Variants in PPFIA2 observed in about 807,000 individuals in gnomAD.
PPFIA2 encodes the protein liprin-alpha-2.
In PPFIA2, 46 loss-of-function variants were observed where a neutral mutation model predicts 175.5. That is an observed-to-expected ratio of 0.26 (90% CI 0.21 to 0.34). The LOEUF (loss-of-function observed/expected upper bound fraction) is 0.34, where lower values mean the gene tolerates loss of function less well. Ranked by LOEUF, PPFIA2 falls within the 10% of genes least tolerant of loss-of-function variation. The pLI, the probability that PPFIA2 is intolerant of heterozygous loss-of-function variation, is 1.00. For synonymous variants in PPFIA2, 568 were observed against 511.4 expected, an observed-to-expected ratio of 1.11 and a Z score of -1.49; for missense variants, 1,179 against 1,506.1, an observed-to-expected ratio of 0.78 and a Z score of 3.60.
chr12:81,636,760 C>G (rs2064119912), intron 4 of PPFIA2, among the ~76,000 whole-genome samples: 1 of 151,970 alleles, frequency 6.6e-6, no homozygotes, highest in African/African-American at 2.4e-5. Flanking sequence ...TCAAGTGATT[C>G]TTGTGCCTCA....
intron 23 of PPFIA2, among the ~76,000 whole-genome samples, chr12:81,298,979 T>C (rs192234627): frequency 6.6e-6 from 1 of 152,244 alleles, no homozygotes; most frequent in Non-Finnish European, 1.5e-5. Context: ...AACCTGCTAA[T>C]GAGGAAGGGC....
At chr12:81,332,202 G>A (rs375324189) in intron 21 of PPFIA2, among the ~76,000 whole-genome samples, 2 of 151,908 alleles carry the variant, frequency 1.3e-5, no homozygotes, top group East Asian at 3.9e-4. Context: ...GCTTCAAGAT[G>A]CTGCCTCCCA....
At chr12:81,448,866 T>C (rs2051843110) in intron 5 of PPFIA2, among the ~76,000 whole-genome samples, 1 of 152,212 alleles carries the variant, frequency 6.6e-6, no homozygotes, top group African/African-American at 2.4e-5. Context: ...CTTCCTAGCA[T>C]ATTAAAATGT....
At chr12:81,316,664 A>G (rs1459235278) in intron 22 of PPFIA2, among the ~76,000 whole-genome samples, 1 of 151,580 alleles carries the variant, frequency 6.6e-6, no homozygotes, top group Non-Finnish European at 1.5e-5. Flanking sequence ...TAAAAGCATG[A>G]CTGGTTTGAA....
chr12:81,706,233 G>A (rs1282587100), intron 3 of PPFIA2, among the ~76,000 whole-genome samples: 1 of 152,108 alleles, frequency 6.6e-6, no homozygotes, highest in Non-Finnish European at 1.5e-5. Context: ...ATATAAATAA[G>A]GAAGCATAAA....
At chr12:81,269,659 CTTCT>C (rs2038485517) in intron 28 of PPFIA2, among the ~76,000 whole-genome samples, 2 of 152,326 alleles carry the variant, frequency 1.3e-5, no homozygotes, top group Non-Finnish European at 1.5e-5. Flanking sequence ...AATATTCTGA[CTTCT>C]TTCATTACAG....
chr12:81,344,820 T>A, intron 18 of PPFIA2, 127 bp from the exon 19 acceptor site: 2 of 675,878 alleles, frequency 3.0e-6, no homozygotes, highest in South Asian at 2.3e-5. Flanking sequence ...TGTTATTTTC[T>A]AAATAAACAT....
intron 8 of PPFIA2, among the ~76,000 whole-genome samples, chr12:81,403,967 G>T (rs1334729222): frequency 6.6e-6 from 1 of 152,036 alleles, no homozygotes; most frequent in Non-Finnish European, 1.5e-5. Flanking sequence ...TCTTGTTCCT[G>T]CTCTAAAACT....
rs186459812 is a variant in PPFIA2 at position 81,356,535 on chromosome 12, C to T, written c.1773+1547G>A. On this transcript the variant is annotated intron_variant, in intron 16 of 32. Transcript: ENST00000549396. ...AAAATTAGCTGGGCATAGTGGTGCC[C>T]GCTTGTGGTCCCAGCTACTTGGGAG... Among the ~76,000 whole-genome samples, 1,175 of 151,848 alleles carry T rather than the reference C, an allele frequency of 7.7e-3. 29 individuals carry two copies. Among genetic ancestry groups the T allele is most frequent in the Non-Finnish European group, 4.4e-3 (296 of 67,916 alleles).
intron 4 of PPFIA2, among the ~76,000 whole-genome samples, chr12:81,654,582 G>A (rs1366620404): frequency 6.6e-6 from 1 of 151,954 alleles, no homozygotes; most frequent in African/African-American, 2.4e-5. Flanking sequence ...ATCTCCTGAG[G>A]TCATATTCTG....
chr12:81,362,005 GTATCTATCTATCTATCTATCTATC>G (rs5799523), intron 15 of PPFIA2, among the ~76,000 whole-genome samples: 6 of 147,470 alleles, frequency 4.1e-5, no homozygotes, highest in African/African-American at 1.2e-4. Context: ...ATGTATCTAT[GTATCTATCTATCTATCTATCTATC>G]TATCTATCTA....
rs548212194 is a variant in PPFIA2 at position 81,367,095 on chromosome 12, G to C, written c.1545+13C>G. The C allele has an allele frequency of 1.4e-6, 2 of 1,462,482 alleles. No individual in the cohort carries two copies. The highest frequency in any genetic ancestry group is 2.9e-5 in the African/African-American group (2 of 68,632). The allele number at this position is 1,462,482 out of a possible 1,614,324, so 90.6% of individuals were successfully genotyped here. A position where few individuals can be genotyped will look rare whatever the true frequency, so the allele number is the denominator to read the frequency against. ...AATAGAAAATGGGCCCAAAACATAAGTTTCCATTATACCTTATCATGTAAA... is the reference window on the plus strand; with the variant it reads ...AATAGAAAATGGGCCCAAAACATAACTTTCCATTATACCTTATCATGTAAA... On this transcript the variant is annotated intron_variant, in intron 14 of 32. Coordinates refer to ENST00000549396, the MANE Select transcript of PPFIA2 (RefSeq NM_003625.5).
rs2065306070 is a variant in PPFIA2, at chr12:81,642,726, TAC to T, written c.303+34063_303+34064del. ...TATATGTATGTATGTATTATATACATACATGTATATGTATGTATGTATTATAT... is the reference window on the plus strand; with the variant it reads ...TATATGTATGTATGTATTATATACATATGTATATGTATGTATGTATTATAT... On this transcript the variant is annotated intron_variant, in intron 4 of 32. Transcript: ENST00000549396. Among the ~76,000 whole-genome samples the T allele has an allele frequency of 7.1e-5, 8 of 112,432 alleles. 3 individuals carry two copies. Among genetic ancestry groups the T allele is most frequent in the South Asian group, 6.1e-4 (2 of 3,284 alleles). 73.8% of individuals were successfully genotyped at this position (112,432 alleles called of 152,430 possible).
At chr12:81,609,411 C>T (rs773156124) in intron 4 of PPFIA2, among the ~76,000 whole-genome samples, 2 of 152,066 alleles carry the variant, frequency 1.3e-5, no homozygotes, top group African/African-American at 4.8e-5. Context: ...TTGTCTAAGT[C>T]TTCTCATAGG....
intron 4 of PPFIA2, among the ~76,000 whole-genome samples, chr12:81,554,508 A>G (rs114113738): frequency 0.011 from 1,599 of 152,142 alleles, 30 homozygotes; most frequent in African/African-American, 0.033. Context: ...GGAGGAACAC[A>G]TGGCCTCCAA....
intron 4 of PPFIA2, among the ~76,000 whole-genome samples, chr12:81,629,695 A>T (rs1308605451): frequency 6.6e-6 from 1 of 152,120 alleles, no homozygotes; most frequent in East Asian, 1.9e-4. Flanking sequence ...CTTGTCACAG[A>T]ACACTAAATG....
chr12:81,338,414 T>C (rs892244467), intron 21 of PPFIA2, among the ~76,000 whole-genome samples: 1 of 152,138 alleles, frequency 6.6e-6, no homozygotes, highest in Admixed American at 6.6e-5. Flanking sequence ...CATGTATGTA[T>C]ATATCTGCTT....
chr12:81,467,253 G>A (rs2055839601), intron 4 of PPFIA2, among the ~76,000 whole-genome samples: 1 of 152,106 alleles, frequency 6.6e-6, no homozygotes, highest in South Asian at 2.1e-4. Context: ...CTGTGTTCCT[G>A]CAGTAATTCT....
At chr12:81,475,686 G>A (rs1021691469) in intron 4 of PPFIA2, among the ~76,000 whole-genome samples, 1 of 152,126 alleles carries the variant, frequency 6.6e-6, no homozygotes, top group Non-Finnish European at 1.5e-5. Flanking sequence ...TAAGTTGAAA[G>A]GGTTAAAAAT....
Sources: gnomAD v4.1 joint callset for allele counts (sites outside exome capture counted in the v4.1 genomes callset) on GRCh38, gnomAD v4.1.1 for gene constraint, MANE v1.5 for transcripts, NCBI Gene and HGNC (gene_info 2026-07-23, HGNC 2026-07-21) for gene names.